Variants in GAB2 observed in about 807,000 individuals in gnomAD.
The protein encoded by GAB2 is GRB2 associated binding protein 2.
A neutral mutation model predicts 65.5 loss-of-function variants in GAB2; 26 were observed. That is an observed-to-expected ratio of 0.40 (90% CI 0.29 to 0.55). The LOEUF (loss-of-function observed/expected upper bound fraction) is 0.55, where lower values mean the gene tolerates loss of function less well. GAB2 is among the 20% of genes least tolerant of loss of function. GAB2 has a pLI of 0.53. For synonymous variants in GAB2, 321 were observed against 329.6 expected, an observed-to-expected ratio of 0.97 and a Z score of 0.28; for missense variants, 884 against 875.8, an observed-to-expected ratio of 1.01 and a Z score of -0.12.
chr11:78,325,219 G>C (rs189356437), intron 1 of GAB2, among the ~76,000 whole-genome samples: 6 of 151,904 alleles, frequency 3.9e-5, no homozygotes, highest in African/African-American at 1.2e-4. Context: ...CTGAGACTTT[G>C]TTTGTAGTTA....
intron 2 of GAB2, 184 bp downstream of exon 2, chr11:78,280,417 A>T: frequency 1.6e-6 from 1 of 613,846 alleles, no homozygotes; most frequent in Non-Finnish European, 2.9e-6. Flanking sequence ...TTTGGTTTCC[A>T]GTTAGAGCAT....
At chr11:78,336,427 T>C (rs1856004200) in intron 1 of GAB2, among the ~76,000 whole-genome samples, 2 of 149,424 alleles carry the variant, frequency 1.3e-5, no homozygotes, top group South Asian at 2.1e-4. Flanking sequence ...GATTTTTGTA[T>C]GCTGATTTTG....
In GAB2 at chr11:78,326,263, A is replaced by G. The variant is rs550751637; in HGVS notation, c.76-45362T>C. On this transcript the variant is annotated intron_variant, in intron 1 of 9. Transcript: ENST00000361507. ...AAAAGTGTCATACCCTTATTTTTAC[A>G]TAAGTGTCTCATTTAAAATATCACA... is the stretch of plus-strand genomic sequence containing the variant. 1.2e-3 allele frequency among the ~76,000 whole-genome samples: 178 copies of G among 152,362 alleles called. 2 individuals are homozygous for G. The highest frequency in any genetic ancestry group is 1.8e-3 in the Non-Finnish European group (125 of 68,038).
At chr11:78,261,348 C>G (rs528367429) in intron 2 of GAB2, among the ~76,000 whole-genome samples, 20 of 152,282 alleles carry the variant, frequency 1.3e-4, no homozygotes, top group African/African-American at 4.8e-4. Flanking sequence ...AATAAACACA[C>G]TAGAGCAGCA....
intron 1 of GAB2, among the ~76,000 whole-genome samples, chr11:78,323,452 G>C (rs1855763737): frequency 1.3e-5 from 2 of 152,064 alleles, no homozygotes. Flanking sequence ...AGAGGTTGTA[G>C]TCAGCCGAGA....
chr11:78,327,720 AAAT>A (rs1387272751), intron 1 of GAB2, among the ~76,000 whole-genome samples: 1 of 152,172 alleles, frequency 6.6e-6, no homozygotes, highest in African/African-American at 2.4e-5. Context: ...CAAATTTTGA[AAAT>A]AATAATACAT....
At chr11:78,251,309 C>T (rs1459253626) in intron 2 of GAB2, among the ~76,000 whole-genome samples, 2 of 152,134 alleles carry the variant, frequency 1.3e-5, no homozygotes, top group Non-Finnish European at 1.5e-5. Flanking sequence ...TGCCTGGCCT[C>T]CTAAGACCTC....
At position 78,223,494 on chromosome 11, in the gene GAB2, G is replaced by A. The variant is rs1410727486; in HGVS notation, c.1485C>T (p.Thr495=). ...TGCTGGGGCCTCGGTGCACAGGAAG[G>A]GTTGTTGATGGGTAGCCAAGTGAGT... ...HFDSLGYPST[T]LPVHRGPSRG... Residue 495 remains threonine, a synonymous_variant, in exon 6 of 10, where the codon ACC becomes ACT. Transcript: ENST00000361507. The A allele has an allele frequency of 2.0e-5, 33 of 1,610,212 alleles. No individual in the cohort carries two copies. The highest frequency in any genetic ancestry group is 2.8e-5 in the Non-Finnish European group (33 of 1,178,040).
intron 1 of GAB2, among the ~76,000 whole-genome samples, chr11:78,371,036 C>A (rs993548508): frequency 1.3e-5 from 2 of 152,104 alleles, no homozygotes; most frequent in African/African-American, 2.4e-5. Context: ...AGAGCCCCAC[C>A]CTCACAGAGG....
chr11:78,395,245 G>A (rs1278928289), intron 1 of GAB2, among the ~76,000 whole-genome samples: 2 of 152,258 alleles, frequency 1.3e-5, no homozygotes, highest in Non-Finnish European at 2.9e-5. Flanking sequence ...CATCAGGTCA[G>A]AAGTTCGAGA....
At chr11:78,230,602 A>G (rs1332384403) in intron 3 of GAB2, among the ~76,000 whole-genome samples, 1 of 152,274 alleles carries the variant, frequency 6.6e-6, no homozygotes, top group African/African-American at 2.4e-5. Context: ...GTGCTCCTAG[A>G]AGGCAGAGGG....
In GAB2 at chr11:78,220,379, G is replaced by A. The variant is rs77949622; in HGVS notation, c.1827C>T (p.Thr609=). The part of the protein sequence containing the change: ...GTNSPAPKKS[T]GSVDYLALDF... ...CCAGGGCCAGATAATCAACGCTGCCGGTGCTCTTCTTAGGGGCAGGACTGT... is the reference window on the plus strand; with the variant it reads ...CCAGGGCCAGATAATCAACGCTGCCAGTGCTCTTCTTAGGGGCAGGACTGT... Residue 609 remains threonine (T), a synonymous_variant, in exon 9 of 10, where the codon ACC becomes ACT. Transcript: ENST00000361507. The A allele has an allele frequency of 1.5e-4, 243 of 1,612,742 alleles. 1 individual carries two copies. In the East Asian group the frequency reaches 4.5e-3, roughly 30 times the overall value.
intron 1 of GAB2, among the ~76,000 whole-genome samples, chr11:78,382,639 A>G (rs990017013): frequency 6.6e-6 from 1 of 152,118 alleles, no homozygotes; most frequent in African/African-American, 2.4e-5. Context: ...AAATTAAGTC[A>G]CCACGCATGG....
intron 1 of GAB2, among the ~76,000 whole-genome samples, chr11:78,385,939 T>C (rs186306278): frequency 7.5e-4 from 113 of 150,702 alleles, no homozygotes; most frequent in African/African-American, 2.7e-3. Context: ...AGTATTTTAT[T>C]AATAAAAAAA....
At chr11:78,289,399 T>C (rs1178271796) in intron 1 of GAB2, among the ~76,000 whole-genome samples, 2 of 152,142 alleles carry the variant, frequency 1.3e-5, no homozygotes, top group Non-Finnish European at 2.9e-5. Context: ...TGTAAAACTA[T>C]AAAACGTTTA....
At chr11:78,319,165 A>C (rs1855674940) in intron 1 of GAB2, among the ~76,000 whole-genome samples, 1 of 152,190 alleles carries the variant, frequency 6.6e-6, no homozygotes. Context: ...ATCAGATGAA[A>C]AACACCAAAC....
chr11:78,236,486 G>C (rs1414722579), intron 3 of GAB2, among the ~76,000 whole-genome samples: 1 of 152,120 alleles, frequency 6.6e-6, no homozygotes, highest in East Asian at 1.9e-4. Context: ...GAACTGATGA[G>C]AATCTCCAGT....
At chr11:78,269,446 G>A (rs1319007037) in intron 2 of GAB2, among the ~76,000 whole-genome samples, 5 of 152,146 alleles carry the variant, frequency 3.3e-5, no homozygotes, top group African/African-American at 7.2e-5. Flanking sequence ...AAGGACCAAG[G>A]TCATCAGAAT....
intron 1 of GAB2, among the ~76,000 whole-genome samples, chr11:78,391,841 T>C (rs761338116): frequency 5.9e-5 from 9 of 152,226 alleles, no homozygotes; most frequent in Admixed American, 5.2e-4. Context: ...GGTTACCTTA[T>C]GGCATTAACT....
Sources: allele counts gnomAD v4.1 joint callset (sites outside exome capture counted in the v4.1 genomes callset), GRCh38; gene constraint gnomAD v4.1.1; transcripts MANE v1.5; gene names NCBI Gene and HGNC (gene_info 2026-07-23, HGNC 2026-07-21).